The following EPHA4 variants were observed in gnomAD, a reference collection of about 807,000 sequenced individuals.
EPHA4 encodes EPH receptor A4, also known as ephrin type-A receptor 4.
EPHA4 carries 19 observed loss-of-function variants against 108.3 expected under a neutral mutation model. The ratio of observed to expected loss-of-function variants is 0.18; its 90% confidence interval spans 0.12 to 0.26. EPHA4 has a LOEUF of 0.26. Among genes scored for constraint, EPHA4 ranks in the 10% least tolerant of loss-of-function variants. The pLI, the probability that EPHA4 is intolerant of heterozygous loss-of-function variation, is 1.00. For missense variants in EPHA4, 917 were observed against 1,254.0 expected (o/e 0.73, Z 4.06); for synonymous variants, 449 against 455.5 (o/e 0.99, Z 0.18).
At chr2:221,436,838 C>T (rs541550227) in intron 12 of EPHA4, among the ~76,000 whole-genome samples, 82 of 152,130 alleles carry the variant, frequency 5.4e-4, no homozygotes, top group South Asian at 8.3e-4. Context: ...AATGAATCTA[C>T]GGCTCCAACA....
At chr2:221,530,346 G>A (rs920701477) in intron 3 of EPHA4, among the ~76,000 whole-genome samples, 3 of 152,222 alleles carry the variant, frequency 2.0e-5, no homozygotes, top group South Asian at 2.1e-4. Context: ...GAGAAAGGAT[G>A]TGATCACACT....
Position 221,571,884 on chromosome 2 carries a change from C to CCCCTCA in EPHA4, c.91+273_91+274insTGAGGG, listed in dbSNP as rs1559299822. ...GTGCATCCCCTCAGGGCGCCTCGAG[C>CCCCTCA]GGGCCTCTCTGGCGGATGCTGATAA... On this transcript the variant is annotated intron_variant, in intron 1 of 17. Coordinates refer to ENST00000281821, the MANE Select transcript of EPHA4 (RefSeq NM_004438.5). The surrounding 1 kb of genome is among the most constrained non-coding windows in gnomAD (Gnocchi z 6.3). Among the ~76,000 whole-genome samples, 3 of 152,174 alleles carry CCCCTCA rather than the reference C, an allele frequency of 2.0e-5. No homozygotes were observed. Among genetic ancestry groups the CCCCTCA allele is most frequent in the African/African-American group, 7.2e-5 (3 of 41,440 alleles).
intron 5 of EPHA4, among the ~76,000 whole-genome samples, chr2:221,467,974 T>G (rs1691361843): frequency 6.6e-6 from 1 of 152,278 alleles, no homozygotes; most frequent in South Asian, 2.1e-4. Flanking sequence ...CTGAGCAAGA[T>G]GATTGTTTTA....
intron 4 of EPHA4, among the ~76,000 whole-genome samples, chr2:221,499,756 A>ATATATTTTT (rs1334015871): frequency 7.6e-5 from 2 of 26,222 alleles, no homozygotes; most frequent in South Asian, 2.4e-3. Flanking sequence ...ATATATATAT[A>ATATATTTTT]TTTTTTTTTT....
intron 2 of EPHA4, among the ~76,000 whole-genome samples, chr2:221,566,931 G>GAGGAA (rs1559297268): frequency 4.4e-5 from 3 of 68,730 alleles, no homozygotes; most frequent in East Asian, 4.4e-4. Context: ...AGAAGGAGAA[G>GAGGAA]GAGAAGGAGA....
intron 4 of EPHA4, among the ~76,000 whole-genome samples, chr2:221,496,529 G>C (rs1692301329): frequency 1.3e-5 from 2 of 152,128 alleles, no homozygotes; most frequent in Admixed American, 1.3e-4. Context: ...GCAAAGTATA[G>C]TCACTTCCCT....
At chr2:221,532,312 G>A (rs1052918159) in intron 3 of EPHA4, among the ~76,000 whole-genome samples, 7 of 151,918 alleles carry the variant, frequency 4.6e-5, no homozygotes, top group East Asian at 1.9e-4. Flanking sequence ...TAGTAGAGAC[G>A]GGGTTTCACC....
chr2:221,452,748 C>T (rs1265307989), intron 8 of EPHA4, among the ~76,000 whole-genome samples: 1 of 151,774 alleles, frequency 6.6e-6, no homozygotes, highest in Non-Finnish European at 1.5e-5. Flanking sequence ...CAGGAATCAT[C>T]GCTAGGTAAC....
rs1039237242 is a variant in EPHA4 at position 221,443,619 on chromosome 2, C to T, written c.1775-13G>A. The stretch of plus-strand genomic sequence containing the variant: ...TATGTTCTTACACCTGAGTGATAAA[C>T]ATGATAAGTTGGCTGAATACTTCTA... On this transcript the variant is annotated splice_polypyrimidine_tract_variant and intron_variant, in intron 9 of 17. Coordinates refer to ENST00000281821, the MANE Select transcript of EPHA4 (RefSeq NM_004438.5). The T allele has an allele frequency of 1.3e-6, 2 of 1,592,742 alleles. No individual in the cohort carries two copies. The highest frequency in any genetic ancestry group is 1.3e-5 in the African/African-American group (1 of 74,572).
At chr2:221,436,348 G>A (rs369328442) in intron 13 of EPHA4, 51 bp downstream of exon 13, 3 of 1,563,124 alleles carry the variant, frequency 1.9e-6, no homozygotes, top group African/African-American at 1.4e-5. Context: ...AGTGAGAAGA[G>A]AGGAACAGTT....
rs1308644669 is a variant in EPHA4, at chr2:221,563,833, CT to C, written c.720del (p.Asp241MetfsTer93). ...GCCCCACAGTACATTTTTGGCACATCTTTCTCTTCTGAGTTGTTGACACAGG... is the reference window on the plus strand; with the variant it reads ...GCCCCACAGTACATTTTTGGCACATCTTCTCTTCTGAGTTGTTGACACAGG... ...RGSCVNNSEEKDVPKMYCGAD... is the reference protein window; with the variant it reads ...RGSCVNNSEEXDVPKMYCGAD... On this transcript the variant is annotated frameshift_variant, in exon 3 of 18. Coordinates refer to ENST00000281821, the MANE Select transcript of EPHA4 (RefSeq NM_004438.5). LOFTEE classifies it high-confidence loss of function. 6.2e-7 allele frequency: 1 copy of C among 1,614,220 alleles called. No homozygotes were observed. Among genetic ancestry groups the C allele is most frequent in the Non-Finnish European group, 8.5e-7 (1 of 1,180,042 alleles).
At chr2:221,557,961 C>A (rs2106204111) in intron 3 of EPHA4, among the ~76,000 whole-genome samples, 1 of 152,256 alleles carries the variant, frequency 6.6e-6, no homozygotes, top group African/African-American at 2.4e-5. Context: ...TATGATTACA[C>A]ATTAATGTGT....
At chr2:221,509,821 C>G (rs1461279162) in intron 3 of EPHA4, among the ~76,000 whole-genome samples, 1 of 152,166 alleles carries the variant, frequency 6.6e-6, no homozygotes, top group African/African-American at 2.4e-5. Flanking sequence ...CTGGTGGTCT[C>G]TTTTTGCCCT....
At chr2:221,544,319 A>T (rs773178083) in intron 3 of EPHA4, among the ~76,000 whole-genome samples, 1 of 151,988 alleles carries the variant, frequency 6.6e-6, no homozygotes, top group Non-Finnish European at 1.5e-5. Context: ...TCATTTTTTC[A>T]TGTTTTATTT....
chr2:221,448,136 C>T (rs1265213570), intron 8 of EPHA4, among the ~76,000 whole-genome samples: 1 of 151,992 alleles, frequency 6.6e-6, no homozygotes, highest in East Asian at 1.9e-4. Flanking sequence ...ACCACCGCAC[C>T]CAGCCAGAAT....
At chr2:221,426,327 A>G in intron 16 of EPHA4, 137 bp downstream of exon 16, 2 of 1,150,016 alleles carry the variant, frequency 1.7e-6, no homozygotes, top group South Asian at 3.2e-5. Flanking sequence ...GAGGCTGTGT[A>G]AAATTATACT....
chr2:221,478,766 A>G (rs1691732608), intron 5 of EPHA4, among the ~76,000 whole-genome samples: 2 of 51,948 alleles, frequency 3.9e-5, no homozygotes, highest in African/African-American at 1.3e-4. Flanking sequence ...CTGCCTGCAC[A>G]GAGTGTCCTT....
At position 221,569,792 on chromosome 2, in the gene EPHA4, C is replaced by T. The variant is rs530824968; in HGVS notation, c.92-1007G>A. ...AGCCGCCATCCGTGCTCATGCGCAC[C>T]CCAACACTCAAGCTTACCCCCAGAC... On this transcript the variant is annotated intron_variant, in intron 1 of 17. Transcript: ENST00000281821. Among the ~76,000 whole-genome samples the T allele has an allele frequency of 7.2e-5, 11 of 152,176 alleles. No homozygotes were observed. In the East Asian group the frequency reaches 2.1e-3, roughly 29 times the overall value.
At chr2:221,442,132 G>A (rs377423229) in intron 11 of EPHA4, among the ~76,000 whole-genome samples, 7 of 152,292 alleles carry the variant, frequency 4.6e-5, no homozygotes, top group African/African-American at 1.7e-4. Flanking sequence ...GAGGGCTCTT[G>A]GAACACAGCC....
Sources: gnomAD v4.1 joint callset for allele counts (sites outside exome capture counted in the v4.1 genomes callset) on GRCh38, gnomAD v4.1.1 for gene constraint, Gnocchi (gnomAD v3.1) non-coding constraint, MANE v1.5 for transcripts, NCBI Gene and HGNC (gene_info 2026-07-23, HGNC 2026-07-21) for gene names.